HCRTR2: variants seen among roughly 807,000 people sequenced by gnomAD.
HCRTR2 encodes the protein hypocretin receptor 2.
Under a neutral mutation model 49.0 loss-of-function variants are expected in HCRTR2, and 22 were observed. That is an observed-to-expected ratio of 0.45 (90% CI 0.32 to 0.64). HCRTR2 has a LOEUF of 0.64. Ranked by LOEUF, HCRTR2 falls within the 30% of genes least tolerant of loss-of-function variation. The probability of loss-of-function intolerance (pLI) is 0.04; values close to 1 mark genes in which losing one functional copy is unlikely to be tolerated. For synonymous variants in HCRTR2, 236 were observed against 205.3 expected (o/e 1.15, Z -1.28); for missense variants, 491 against 559.4 (o/e 0.88, Z 1.23).
At chr6:55,177,450 C>G (rs1271372193) in intron 1 of HCRTR2, among the ~76,000 whole-genome samples, 2 of 151,950 alleles carry the variant, frequency 1.3e-5, no homozygotes, top group Admixed American at 6.6e-5. Context: ...GCTTCTTTGC[C>G]CCTCTGGTAT....
intron 1 of HCRTR2, among the ~76,000 whole-genome samples, chr6:55,211,283 A>G (rs941463808): frequency 2.0e-5 from 3 of 152,194 alleles, no homozygotes; most frequent in African/African-American, 7.2e-5. Flanking sequence ...TGATCATGAG[A>G]TATGTGAAAA....
intron 1 of HCRTR2, among the ~76,000 whole-genome samples, chr6:55,185,750 G>A (rs1765207214): frequency 6.6e-6 from 1 of 152,134 alleles, no homozygotes; most frequent in Non-Finnish European, 1.5e-5. Flanking sequence ...CACTAAAGAT[G>A]AATAAGTCCT....
chr6:55,260,909 C>G (rs192422450), intron 3 of HCRTR2, among the ~76,000 whole-genome samples: 26 of 152,272 alleles, frequency 1.7e-4, no homozygotes, highest in Admixed American at 1.3e-3. Flanking sequence ...AGCTTTCATG[C>G]TTCTACATCC....
chr6:55,107,570 T>G (rs2127609797), intron 1 of HCRTR2, among the ~76,000 whole-genome samples: 1 of 152,224 alleles, frequency 6.6e-6, no homozygotes, highest in South Asian at 2.1e-4. Context: ...TCCTTGACCT[T>G]TTTAAAAATT....
At chr6:55,107,552 A>ATAAAG (rs149570012) in intron 1 of HCRTR2, among the ~76,000 whole-genome samples, 13,811 of 151,986 alleles carry the variant, frequency 0.091, 1,198 homozygotes, top group African/African-American at 0.23. Context: ...CATATACACT[A>ATAAAG]TAGTTTCTCC....
intron 1 of HCRTR2, among the ~76,000 whole-genome samples, chr6:55,246,905 G>A (rs1329996761): frequency 6.6e-6 from 1 of 152,022 alleles, no homozygotes; most frequent in South Asian, 2.1e-4. Context: ...TGTCTAGATT[G>A]TCTAGATATA....
At chr6:55,231,146 A>T (rs143898229) in intron 1 of HCRTR2, among the ~76,000 whole-genome samples, 1,932 of 152,166 alleles carry the variant, frequency 0.013, 45 homozygotes, top group African/African-American at 0.044. Flanking sequence ...AACTACACAC[A>T]CTTCAGTCAT....
chr6:55,241,861 A>ATTTTTTTT (rs917427627), intron 1 of HCRTR2, among the ~76,000 whole-genome samples: 6 of 92,524 alleles, frequency 6.5e-5, no homozygotes, highest in East Asian at 2.7e-4. Flanking sequence ...ATGGCAACTA[A>ATTTTTTTT]TTTTTTTTTT....
intron 1 of HCRTR2, among the ~76,000 whole-genome samples, chr6:55,244,044 T>G (rs1005976163): frequency 2.0e-5 from 3 of 151,932 alleles, no homozygotes; most frequent in African/African-American, 7.2e-5. Flanking sequence ...ATGGCATGAG[T>G]GATGGTCTGG....
In HCRTR2 at chr6:55,248,772, CTGGT is replaced by C; in HGVS notation, c.359_362del (p.Trp120PhefsTer9). The stretch of plus-strand genomic sequence containing the variant: ...CACTGGTCGTGGATATCACTGAGAC[CTGGT>C]TTTTTGGACAGTCCCTTTGCAAAGT... On this transcript the variant is annotated frameshift_variant, in exon 2 of 7. Coordinates refer to ENST00000370862, the MANE Select transcript of HCRTR2 (RefSeq NM_001384272.1). LOFTEE classifies it high-confidence loss of function. 6.2e-7 allele frequency: 1 copy of C among 1,613,474 alleles called. No homozygotes were observed. Among genetic ancestry groups the C allele is most frequent in the Non-Finnish European group, 8.5e-7 (1 of 1,179,530 alleles).
In HCRTR2 at chr6:55,149,016, A is replaced by G. The variant is rs1764629863; in HGVS notation, c.-377-25195A>G. Among the ~76,000 whole-genome samples, 2 of 152,040 alleles carry G rather than the reference A, an allele frequency of 1.3e-5. 1 individual carries two copies. The highest frequency in any genetic ancestry group is 4.8e-5 in the African/African-American group (2 of 41,414). On this transcript the variant is annotated intron_variant, in intron 1 of 7. Coordinates refer to the HCRTR2 transcript ENST00000615358. ...AAAATGTGGAAAGTTAATATCTTTC[A>G]CTCAAAACATTTGCATGAATACTTA...
At chr6:55,152,593 G>C (rs1410824134) in intron 1 of HCRTR2, among the ~76,000 whole-genome samples, 1 of 151,958 alleles carries the variant, frequency 6.6e-6, no homozygotes, top group Non-Finnish European at 1.5e-5. Flanking sequence ...AGATCTGGAG[G>C]CTAGAAGTTT....
At chr6:55,260,468 T>C (rs930386296) in intron 3 of HCRTR2, among the ~76,000 whole-genome samples, 5 of 152,156 alleles carry the variant, frequency 3.3e-5, no homozygotes, top group African/African-American at 1.2e-4. Context: ...TCACTTTTTA[T>C]GTAACTGGCC....
intron 1 of HCRTR2, among the ~76,000 whole-genome samples, chr6:55,196,534 G>T (rs1765420845): frequency 6.6e-6 from 1 of 152,144 alleles, no homozygotes; most frequent in Non-Finnish European, 1.5e-5. Flanking sequence ...GACACAAAAT[G>T]ATGGAGAGAA....
At chr6:55,272,654 A>C (rs1766995396) in intron 4 of HCRTR2, among the ~76,000 whole-genome samples, 1 of 151,844 alleles carries the variant, frequency 6.6e-6, no homozygotes, top group Non-Finnish European at 1.5e-5. Context: ...AAAAAGGTTG[A>C]ACACACAATT....
chr6:55,158,906 C>G (rs552541845), intron 1 of HCRTR2, among the ~76,000 whole-genome samples: 9 of 152,304 alleles, frequency 5.9e-5, no homozygotes, highest in African/African-American at 2.2e-4. Flanking sequence ...TTGCCGCAAG[C>G]TGACTCTGAA....
At chr6:55,244,047 T>C (rs1016461545) in intron 1 of HCRTR2, among the ~76,000 whole-genome samples, 25 of 152,200 alleles carry the variant, frequency 1.6e-4, no homozygotes, top group African/African-American at 5.8e-4. Context: ...GCATGAGTGA[T>C]GGTCTGGGCA....
At position 55,241,861 on chromosome 6, in the gene HCRTR2, ATTTT is replaced by A. The variant is rs917427627; in HGVS notation, c.224-6758_224-6755del. 1.9e-3 allele frequency among the ~76,000 whole-genome samples: 174 copies of A among 92,520 alleles called. 1 individual carries two copies. Among genetic ancestry groups the A allele is most frequent in the African/African-American group, 6.8e-3 (156 of 22,968 alleles). The allele number at this position is 92,520 out of a possible 152,430, so 60.7% of individuals were successfully genotyped here. On this transcript the variant is annotated intron_variant, in intron 1 of 6. Transcript: ENST00000370862. Reference sequence around the variant, plus strand: ...GTAGTCTGTCTTACTATGGCAACTAATTTTTTTTTTTTTTTTTTTTTTTGTGAGA... The same window carrying A: ...GTAGTCTGTCTTACTATGGCAACTAATTTTTTTTTTTTTTTTTTTGTGAGA...
chr6:55,204,316 C>T (rs566255758), intron 1 of HCRTR2, among the ~76,000 whole-genome samples: 19 of 152,306 alleles, frequency 1.2e-4, no homozygotes, highest in African/African-American at 4.6e-4. Flanking sequence ...GGATTAGGCT[C>T]AAGTTGCTGA....
Sources: allele counts gnomAD v4.1 joint callset (sites outside exome capture counted in the v4.1 genomes callset), GRCh38; gene constraint gnomAD v4.1.1; transcripts MANE v1.5; gene names NCBI Gene and HGNC (gene_info 2026-07-23, HGNC 2026-07-21).